The following ADGRL2 variants were observed in gnomAD, a reference collection of about 807,000 sequenced individuals.
The protein encoded by ADGRL2 is adhesion G protein-coupled receptor L2, also known as calcium-independent alpha-latrotoxin receptor 2.
Under a neutral mutation model 157.4 loss-of-function variants are expected in ADGRL2, and 44 were observed. The observed-to-expected ratio is 0.28, with a 90% CI of 0.22 to 0.36. The LOEUF (loss-of-function observed/expected upper bound fraction) is 0.36. ADGRL2 is among the 10% of genes least tolerant of loss of function. ADGRL2 has a pLI of 1.00. For synonymous variants in ADGRL2, 585 were observed against 624.7 expected (o/e 0.94, Z 0.95); for missense variants, 1,510 against 1,768.9 (o/e 0.85, Z 2.63).
intron 2 of ADGRL2, among the ~76,000 whole-genome samples, chr1:81,551,009 A>G (rs1432888606): frequency 6.6e-6 from 1 of 152,188 alleles, no homozygotes; most frequent in African/African-American, 2.4e-5. Context: ...AGTCAGACCC[A>G]AGGTTGAAAC....
At chr1:81,377,981 T>C (rs11163268) in intron 1 of ADGRL2, among the ~76,000 whole-genome samples, 87,442 of 151,840 alleles carry the variant, frequency 0.58, 26,025 homozygotes, top group East Asian at 0.94. Context: ...GAGATCGAGA[T>C]CATCCTGGAC....
At chr1:81,428,761 G>A (rs2077266388) in intron 1 of ADGRL2, among the ~76,000 whole-genome samples, 1 of 151,998 alleles carries the variant, frequency 6.6e-6, no homozygotes, top group African/African-American at 2.4e-5. Flanking sequence ...ATTATAAGGA[G>A]GTGGCCCGAG....
At chr1:81,400,527 G>A (rs2076734116) in intron 1 of ADGRL2, among the ~76,000 whole-genome samples, 2 of 152,256 alleles carry the variant, frequency 1.3e-5, no homozygotes, top group South Asian at 4.1e-4. Flanking sequence ...GTTTGGGCCT[G>A]GGGAGTAGGG....
At chr1:81,499,051 C>T (rs1250116416) in intron 2 of ADGRL2, among the ~76,000 whole-genome samples, 41 of 152,140 alleles carry the variant, frequency 2.7e-4, no homozygotes, top group Non-Finnish European at 1.5e-4. Context: ...TGGCAGCTTA[C>T]CAAAGGCACA....
At chr1:81,672,793 ATAT>A (rs1475469082) in intron 3 of ADGRL2, among the ~76,000 whole-genome samples, 5 of 152,224 alleles carry the variant, frequency 3.3e-5, no homozygotes, top group Non-Finnish European at 5.9e-5. Context: ...AAAATGTGAA[ATAT>A]TATACTGAGT....
At chr1:81,691,685 G>A (rs2083337579) in intron 3 of ADGRL2, among the ~76,000 whole-genome samples, 1 of 151,638 alleles carries the variant, frequency 6.6e-6, no homozygotes, top group Non-Finnish European at 1.5e-5. Flanking sequence ...TTTTAATAGA[G>A]ATGGGGTTTC....
chr1:81,536,707 C>T (rs910585919), intron 2 of ADGRL2, among the ~76,000 whole-genome samples: 1 of 152,018 alleles, frequency 6.6e-6, no homozygotes, highest in African/African-American at 2.4e-5. Context: ...CATGATCAGA[C>T]TTATAGTTAG....
chr1:81,307,225 T>C (rs1013795731), intron 1 of ADGRL2, among the ~76,000 whole-genome samples: 5 of 152,214 alleles, frequency 3.3e-5, no homozygotes, highest in Non-Finnish European at 7.4e-5. Flanking sequence ...AGATCAATTT[T>C]TGAGAATGAT....
At chr1:81,399,986 G>T (rs565490160) in intron 1 of ADGRL2, among the ~76,000 whole-genome samples, 11 of 151,462 alleles carry the variant, frequency 7.3e-5, no homozygotes, top group Admixed American at 2.0e-4. Flanking sequence ...GTTGCTGGTT[G>T]GGAAAGGTGT....
intron 3 of ADGRL2, among the ~76,000 whole-genome samples, chr1:81,628,010 A>C (rs2081943229): frequency 6.6e-6 from 1 of 152,156 alleles, no homozygotes; most frequent in African/African-American, 2.4e-5. Flanking sequence ...TATTCATTAC[A>C]GCCAATCACA....
At chr1:81,462,559 A>C (rs1031385707) in intron 2 of ADGRL2, among the ~76,000 whole-genome samples, 3 of 152,116 alleles carry the variant, frequency 2.0e-5, no homozygotes, top group African/African-American at 4.8e-5. Flanking sequence ...TTTTTCCTAC[A>C]TGACCTACAA....
chr1:81,581,624 A>G (rs545793488), intron 3 of ADGRL2, among the ~76,000 whole-genome samples: 4 of 152,270 alleles, frequency 2.6e-5, no homozygotes, highest in East Asian at 3.9e-4. Flanking sequence ...TACTCATTTC[A>G]TCTTTACAAA....
intron 2 of ADGRL2, among the ~76,000 whole-genome samples, chr1:81,551,054 A>G (rs990312199): frequency 6.6e-6 from 1 of 152,152 alleles, no homozygotes; most frequent in African/African-American, 2.4e-5. Flanking sequence ...ACTGAGACTC[A>G]TTGAGCTTCA....
At chr1:81,812,043 A>G (rs1175665039) in intron 1 of ADGRL2, among the ~76,000 whole-genome samples, 1 of 151,764 alleles carries the variant, frequency 6.6e-6, no homozygotes, top group Non-Finnish European at 1.5e-5. Flanking sequence ...GGCAAGAATA[A>G]TCATGTTGAA....
At chr1:81,681,075 C>T (rs2148953733) in intron 3 of ADGRL2, among the ~76,000 whole-genome samples, 1 of 152,302 alleles carries the variant, frequency 6.6e-6, no homozygotes, top group East Asian at 1.9e-4. Context: ...GCCTATAGAA[C>T]AGAGCTGTGA....
At chr1:81,308,434 C>T (rs11163246) in intron 1 of ADGRL2, among the ~76,000 whole-genome samples, 63,226 of 151,918 alleles carry the variant, frequency 0.42, 14,045 homozygotes, top group Middle Eastern at 0.51. Context: ...TGGAAAGGTG[C>T]GTGGGATTGC....
intron 2 of ADGRL2, among the ~76,000 whole-genome samples, chr1:81,536,338 C>T (rs748186049): frequency 8.6e-5 from 13 of 151,806 alleles, no homozygotes; most frequent in South Asian, 2.1e-4. Flanking sequence ...ATTGAAGAGC[C>T]GTTGAAGAAA....
intron 2 of ADGRL2, among the ~76,000 whole-genome samples, chr1:81,451,818 C>A (rs1324044385): frequency 6.6e-6 from 1 of 152,058 alleles, no homozygotes; most frequent in Admixed American, 6.6e-5. Flanking sequence ...TAATTAAAAC[C>A]ACTCTATTTT....
intron 1 of ADGRL2, among the ~76,000 whole-genome samples, chr1:81,735,911 G>T (rs189304421): frequency 6.6e-6 from 1 of 152,134 alleles, no homozygotes; most frequent in Non-Finnish European, 1.5e-5. Flanking sequence ...TTGGGAGGCC[G>T]AGGTGGGCAG....
Sources: allele counts gnomAD v4.1 joint callset (sites outside exome capture counted in the v4.1 genomes callset), GRCh38; gene constraint gnomAD v4.1.1; transcripts MANE v1.5; gene names NCBI Gene and HGNC (gene_info 2026-07-23, HGNC 2026-07-21).